PCDHA5: variants seen among roughly 807,000 people sequenced by gnomAD.
PCDHA5 encodes the protein protocadherin alpha-5.
A neutral mutation model predicts 61.6 loss-of-function variants in PCDHA5; 43 were observed. The observed-to-expected ratio is 0.70, with a 90% CI of 0.55 to 0.90. The LOEUF is 0.90. PCDHA5 is among the 40% of genes least tolerant of loss of function. The probability of loss-of-function intolerance (pLI) is 0.00; values close to 1 mark genes in which losing one functional copy is unlikely to be tolerated. For synonymous variants in PCDHA5, 627 were observed against 543.9 expected (o/e 1.15, Z -2.13); for missense variants, 1,298 against 1,222.7 (o/e 1.06, Z -0.92).
At chr5:140,921,538 A>C (rs572073676) in intron 1 of PCDHA5, among the ~76,000 whole-genome samples, 2 of 152,344 alleles carry the variant, frequency 1.3e-5, no homozygotes, top group Admixed American at 6.5e-5. Flanking sequence ...CTGATAGAAC[A>C]TTCTGCAAAA....
chr5:140,853,989 C>T (rs2042932367), intron 1 of PCDHA5: 1 of 494,686 alleles, frequency 2.0e-6, no homozygotes, highest in Non-Finnish European at 2.7e-6. Context: ...TGTAGTGAGA[C>T]TCATCTCTGC....
chr5:140,823,501 G>C lies in PCDHA5; in HGVS notation c.1726G>C (p.Val576Leu). ...TCGAGTGGGTGGCACCGGCGGCGCAGTGAGCGAGCTGGTGCCGAGGTCAGT... is the reference window on the plus strand; with the variant it reads ...TCGAGTGGGTGGCACCGGCGGCGCACTGAGCGAGCTGGTGCCGAGGTCAGT... ...VPRVGGTGGA[V>L]SELVPRSVGA... Residue 576 changes from valine to leucine, a missense_variant, in exon 1 of 4, where the codon GTG becomes CTG. Coordinates refer to ENST00000529859, the MANE Select transcript of PCDHA5 (RefSeq NM_018908.3). 1 of 1,613,364 alleles carries C rather than the reference G, an allele frequency of 6.2e-7. No homozygotes were observed. Among genetic ancestry groups the C allele is most frequent in the Non-Finnish European group, 8.5e-7 (1 of 1,179,718 alleles).
At chr5:140,897,758 C>T (rs2066305789) in intron 1 of PCDHA5, among the ~76,000 whole-genome samples, 3 of 152,140 alleles carry the variant, frequency 2.0e-5, no homozygotes, top group Non-Finnish European at 4.4e-5. Context: ...CCTGAGGAAT[C>T]GCCACACTGA....
At chr5:140,829,217 G>A in intron 1 of PCDHA5, 4 of 1,614,204 alleles carry the variant, frequency 2.5e-6, no homozygotes, top group East Asian at 4.5e-5. Flanking sequence ...TAGCGTGAAC[G>A]ACCTCGATTC....
intron 1 of PCDHA5, among the ~76,000 whole-genome samples, chr5:140,920,594 C>G (rs1347372573): frequency 1.3e-5 from 2 of 152,176 alleles, no homozygotes; most frequent in Admixed American, 1.3e-4. Flanking sequence ...GCCTGTAATC[C>G]CAGCACTTTG....
intron 1 of PCDHA5, chr5:140,824,397 TAATTGTAA>T: frequency 1.8e-6 from 1 of 549,260 alleles, no homozygotes; most frequent in Non-Finnish European, 3.2e-6. Context: ...TGTAGGATAA[TAATTGTAA>T]GACATAGTTT....
intron 1 of PCDHA5, chr5:140,869,566 G>A (rs782325882): frequency 1.9e-6 from 3 of 1,614,178 alleles, no homozygotes; most frequent in East Asian, 4.5e-5. Flanking sequence ...TTTTCCACTA[G>A]AGGGAGCTTC....
At chr5:140,898,818 A>G (rs2066994592) in intron 1 of PCDHA5, among the ~76,000 whole-genome samples, 1 of 152,216 alleles carries the variant, frequency 6.6e-6, no homozygotes, top group Admixed American at 6.5e-5. Flanking sequence ...CTTCCTACCC[A>G]TGAGCATGGA....
intron 1 of PCDHA5, among the ~76,000 whole-genome samples, chr5:140,950,490 C>A (rs2153689793): frequency 6.6e-6 from 1 of 152,114 alleles, no homozygotes; most frequent in South Asian, 2.1e-4. Context: ...AGTGTGTAGT[C>A]ATTTAAGTCA....
At chr5:140,926,771 A>G in intron 1 of PCDHA5, 3 of 1,372,492 alleles carry the variant, frequency 2.2e-6, no homozygotes, top group Admixed American at 3.2e-5. Context: ...TCCAGCCCGC[A>G]GCAGTGACGG....
chr5:140,854,302 G>A, intron 1 of PCDHA5: 2 of 384,722 alleles, frequency 5.2e-6, no homozygotes, highest in Non-Finnish European at 7.1e-6. Context: ...TTTTGTGCGT[G>A]GAGATGATTG....
At chr5:140,966,395 T>A in intron 1 of PCDHA5, 1 of 404,602 alleles carries the variant, frequency 2.5e-6, no homozygotes, top group Non-Finnish European at 4.3e-6. Flanking sequence ...GTCCGCCACT[T>A]CGGCGCGGAA....
chr5:140,877,138 C>T (rs2056878695), intron 1 of PCDHA5: 2 of 1,613,636 alleles, frequency 1.2e-6, no homozygotes, highest in Non-Finnish European at 1.7e-6. Flanking sequence ...GGTGTTCGTG[C>T]TGGACGAGAA....
chr5:140,971,035 C>T (rs1251023371), intron 1 of PCDHA5, among the ~76,000 whole-genome samples: 1 of 152,098 alleles, frequency 6.6e-6, no homozygotes, highest in African/African-American at 2.4e-5. Flanking sequence ...TTTGAAAGCA[C>T]GTAAAAGGGT....
intron 1 of PCDHA5, among the ~76,000 whole-genome samples, chr5:140,925,206 G>C (rs576558414): frequency 6.6e-6 from 1 of 152,116 alleles, no homozygotes; most frequent in African/African-American, 2.4e-5. Context: ...AATAATTATC[G>C]ATACTTTTAG....
At chr5:140,836,762 C>G (rs2150269461) in intron 1 of PCDHA5, 3 of 1,567,538 alleles carry the variant, frequency 1.9e-6, no homozygotes, top group Non-Finnish European at 2.6e-6. Context: ...AATCTTGTTT[C>G]CAACAATTTT....
chr5:140,829,489 G>A (rs2150168747), intron 1 of PCDHA5: 1 of 1,613,588 alleles, frequency 6.2e-7, no homozygotes, highest in African/African-American at 1.3e-5. Flanking sequence ...TCGTGAAGGA[G>A]AACAACCCGC....
In PCDHA5 at chr5:140,821,985, C is replaced by G. The variant is rs377051395; in HGVS notation, c.210C>G (p.Arg70=). ...PRLFRVASKG[R]GDLLEVNLQN... is the part of the protein sequence containing the mutation. ...TGTTCCGGGTGGCGTCCAAGGGCCG[C>G]GGGGACCTTCTGGAGGTAAATCTGC... is the stretch of plus-strand genomic sequence containing the variant. Residue 70 remains arginine, a synonymous_variant, in exon 1 of 4, where the codon CGC becomes CGG. Coordinates refer to ENST00000529859, the MANE Select transcript of PCDHA5 (RefSeq NM_018908.3). 4 of 1,614,156 alleles carry G rather than the reference C, an allele frequency of 2.5e-6. No individual in the cohort carries two copies. The highest frequency in any genetic ancestry group is 3.4e-6 in the Non-Finnish European group (4 of 1,180,052).
chr5:140,976,933 A>G (rs1554238099), intron 1 of PCDHA5, among the ~76,000 whole-genome samples: 1 of 152,198 alleles, frequency 6.6e-6, no homozygotes, highest in African/African-American at 2.4e-5. Context: ...CTGTGTAGCT[A>G]CTTAAAACAT....
Sources: gnomAD v4.1 joint callset for allele counts (sites outside exome capture counted in the v4.1 genomes callset) on GRCh38, gnomAD v4.1.1 for gene constraint, MANE v1.5 for transcripts, NCBI Gene and HGNC (gene_info 2026-07-23, HGNC 2026-07-21) for gene names.